The following SORL1 variants were observed in gnomAD, a reference collection of about 807,000 sequenced individuals.
SORL1 encodes the protein sortilin related receptor 1.
A neutral mutation model predicts 273.7 loss-of-function variants in SORL1; 127 were observed. The observed-to-expected ratio is 0.46, with a 90% confidence interval of 0.40 to 0.54. The LOEUF (loss-of-function observed/expected upper bound fraction) is 0.54, where lower values mean the gene tolerates loss of function less well. Ranked by LOEUF, SORL1 falls within the 20% of genes least tolerant of loss-of-function variation. SORL1 has a pLI of 0.00. For synonymous variants in SORL1, 1,031 were observed against 1,067.4 expected (o/e 0.97, Z 0.66); for missense variants, 2,494 against 2,846.1 (o/e 0.88, Z 2.81).
intron 24 of SORL1, chr11:121,576,890 T>G (rs1292827859): frequency 6.5e-7 from 1 of 1,535,538 alleles, no homozygotes; most frequent in Non-Finnish European, 8.7e-7. Context: ...CCACAGGCTG[T>G]GTCTGTAGGA....
chr11:121,512,951 G>A (rs1015882462), intron 6 of SORL1, 52 bp from the exon 7 acceptor site: 7 of 1,233,432 alleles, frequency 5.7e-6, no homozygotes, highest in Admixed American at 3.5e-5. Context: ...TGCTGCTTTT[G>A]AATGACTGTA....
At position 121,605,488 on chromosome 11, in the gene SORL1, C is replaced by T. The variant is rs758432966; in HGVS notation, c.4865C>T (p.Thr1622Met). 106 of 1,612,992 alleles carry T rather than the reference C, an allele frequency of 6.6e-5. No individual in the cohort carries two copies. Among genetic ancestry groups the T allele is most frequent in the East Asian group, 3.3e-4 (15 of 44,878 alleles). The change falls in exon 35 of 48, where the codon ACG becomes ATG. Residue 1622 changes from threonine to methionine, a missense_variant. Around this residue, in one of 3 missense-constraint regions of SORL1, gnomAD observed 1,609 missense variants for 1,816.4 expected, o/e 0.89. Transcript: ENST00000260197. Reference sequence around the variant, plus strand: ...TTAAAAGTCTTGAAACCAGATACCACGTATCAGGTTAAAGTACAGGTTCAG... The same window carrying T: ...TTAAAAGTCTTGAAACCAGATACCATGTATCAGGTTAAAGTACAGGTTCAG... ...TVLKVLKPDT[T>M]YQVKVQVQCL...
chr11:121,522,952 T>G lies in SORL1; in HGVS notation c.1559T>G (p.Val520Gly). ...AAGAACTTGGCTAGCAAGACAAACG[T>G]GTACATCTCTAGCAGTGCTGGAGCC... is the stretch of plus-strand genomic sequence containing the variant. ...VGKNLASKTN[V>G]YISSSAGARW... The change falls in exon 11 of 48, where the codon GTG (valine) becomes GGG (glycine). Residue 520 changes from valine (V) to glycine (G), a missense_variant. Coordinates refer to ENST00000260197, the MANE Select transcript of SORL1 (RefSeq NM_003105.6). 6.2e-7 allele frequency: 1 copy of G among 1,614,032 alleles called. No homozygotes were observed. The highest frequency in any genetic ancestry group is 8.5e-7 in the Non-Finnish European group (1 of 1,179,872).
chr11:121,586,034 G>C (rs1863099823), intron 26 of SORL1, among the ~76,000 whole-genome samples, 188 bp from the exon 27 acceptor site: 1 of 152,144 alleles, frequency 6.6e-6, no homozygotes, highest in Admixed American at 6.5e-5. Flanking sequence ...TTTCAGTTGT[G>C]AAGTAGAATA....
At chr11:121,527,561 G>A (rs1049628654) in intron 11 of SORL1, among the ~76,000 whole-genome samples, 1 of 152,068 alleles carries the variant, frequency 6.6e-6, no homozygotes, top group African/African-American at 2.4e-5. Flanking sequence ...ACAAAGTTTG[G>A]TGTTATTTTT....
chr11:121,462,292 A>T (rs1861012289), intron 1 of SORL1, among the ~76,000 whole-genome samples: 1 of 152,076 alleles, frequency 6.6e-6, no homozygotes, highest in Non-Finnish European at 1.5e-5. Flanking sequence ...CAAACACAGC[A>T]AGTCTCAAGG....
Position 121,627,701 on chromosome 11 carries a change from G to A in SORL1, c.6511G>A (p.Ala2171Thr), listed in dbSNP as rs146742626. 2.3e-5 allele frequency: 37 copies of A among 1,613,990 alleles called. No homozygotes were observed. Among genetic ancestry groups the A allele is most frequent in the South Asian group, 7.7e-5 (7 of 91,092 alleles). The stretch of plus-strand genomic sequence containing the variant: ...CCGGAGGCTGCAGAGCAGCTTCACC[G>A]CCTTCGCCAACAGCCACTACAGCTC... ...KHRRLQSSFT[A>T]FANSHYSSRL... Residue 2171 changes from alanine (A) to threonine (T), a missense_variant, in exon 47 of 48, where the codon GCC becomes ACC. Physicochemically the swap from Ala to Thr is moderately conservative, Grantham distance 58. Coordinates refer to ENST00000260197, the MANE Select transcript of SORL1 (RefSeq NM_003105.6). This position sits in a 1 kb window ranked among gnomAD's most constrained non-coding sequence, Gnocchi z 4.9.
intron 41 of SORL1, 68 bp downstream of exon 41, chr11:121,615,123 A>C: frequency 7.8e-7 from 1 of 1,286,696 alleles, no homozygotes; most frequent in Admixed American, 2.7e-5. Flanking sequence ...CCACCACACA[A>C]CTCCAGGGCT....
At chr11:121,582,070 T>C (rs1591337517) in intron 25 of SORL1, among the ~76,000 whole-genome samples, 3 of 152,250 alleles carry the variant, frequency 2.0e-5, no homozygotes, top group African/African-American at 7.2e-5. Flanking sequence ...GTTGTAAATA[T>C]TGAAACTTCT....
At position 121,549,956 on chromosome 11, in the gene SORL1, T is replaced by G; in HGVS notation, c.2052-4T>G. The G allele has an allele frequency of 6.2e-7, 1 of 1,613,268 alleles. No homozygotes were observed. The highest frequency in any genetic ancestry group is 8.5e-7 in the Non-Finnish European group (1 of 1,179,468). On this transcript the variant is annotated splice_polypyrimidine_tract_variant and splice_region_variant and intron_variant, in intron 14 of 47. Coordinates refer to ENST00000260197, the MANE Select transcript of SORL1 (RefSeq NM_003105.6). The stretch of plus-strand genomic sequence containing the variant: ...GCCTTAACAAAGCCCAATTGCCTTT[T>G]TAGTGACTTCGGTTTCAAGATGAGT...
intron 6 of SORL1, among the ~76,000 whole-genome samples, chr11:121,511,037 T>C (rs1052304746): frequency 2.0e-5 from 3 of 152,142 alleles, no homozygotes; most frequent in Non-Finnish European, 2.9e-5. Context: ...TAATCACTAG[T>C]GTGCCATAGT....
chr11:121,503,731 C>A lies in SORL1; in HGVS notation c.939+6682C>A, dbSNP rs551755907. ...CTGTTTCTGGACTCTTAATTCTATT[C>A]CATTAATCTGTATATCTACCCCTAT... On this transcript the variant is annotated intron_variant, in intron 6 of 47. Coordinates refer to ENST00000260197, the MANE Select transcript of SORL1 (RefSeq NM_003105.6). Among the ~76,000 whole-genome samples, 101 of 152,268 alleles carry A rather than the reference C, an allele frequency of 6.6e-4. 1 individual carries two copies. Among genetic ancestry groups the A allele is most frequent in the Non-Finnish European group, 9.6e-4 (65 of 68,014 alleles).
At chr11:121,599,399 C>T (rs1330498967) in intron 32 of SORL1, among the ~76,000 whole-genome samples, 3 of 152,160 alleles carry the variant, frequency 2.0e-5, no homozygotes, top group South Asian at 2.1e-4. Flanking sequence ...GTAAAATTAG[C>T]TGGGCATGGC....
intron 27 of SORL1, 127 bp downstream of exon 27, chr11:121,586,456 C>G (rs1863111026): frequency 2.7e-6 from 2 of 753,630 alleles, no homozygotes; most frequent in East Asian, 2.5e-5. Context: ...GAGTTGATCC[C>G]TGAGTACTTG....
Position 121,625,087 on chromosome 11 carries a change from C to G in SORL1, c.6174C>G (p.Gly2058=). The change falls in exon 46 of 48, where the codon GGC becomes GGG. Residue 2058 remains glycine, a splice_region_variant and synonymous_variant. Coordinates refer to ENST00000260197, the MANE Select transcript of SORL1 (RefSeq NM_003105.6). The stretch of plus-strand genomic sequence containing the variant: ...CAATCTCTTGTGTTTGTTTTCAGGG[C>G]TATGAGATACACATGTTTGATAGTG... ...LKEKHFNESR[G]YEIHMFDSAM... is the part of the protein sequence containing the mutation. The G allele has an allele frequency of 6.2e-7, 1 of 1,605,966 alleles. No homozygotes were observed. Among genetic ancestry groups the G allele is most frequent in the Non-Finnish European group, 8.5e-7 (1 of 1,173,922 alleles).
intron 11 of SORL1, among the ~76,000 whole-genome samples, chr11:121,529,605 T>C (rs893656017): frequency 6.6e-6 from 1 of 152,008 alleles, no homozygotes; most frequent in Non-Finnish European, 1.5e-5. Flanking sequence ...TTTTTGAAGT[T>C]GGGTCTTGTG....
intron 16 of SORL1, among the ~76,000 whole-genome samples, chr11:121,553,243 A>G (rs1484536738): frequency 2.0e-5 from 3 of 152,216 alleles, no homozygotes; most frequent in Non-Finnish European, 2.9e-5. Flanking sequence ...TTGGTTAACA[A>G]GAGTTCTACC....
rs899723049 is a variant in SORL1, at chr11:121,514,183, A to G, written c.1073A>G (p.Gln358Arg). The change falls in exon 8 of 48, where the codon CAG (glutamine) becomes CGG (arginine). Residue 358 changes from glutamine (Q) to arginine (R), a missense_variant. Around this residue, in one of 3 missense-constraint regions of SORL1, gnomAD observed 710 missense variants for 882.5 expected, o/e 0.80. Coordinates refer to ENST00000260197, the MANE Select transcript of SORL1 (RefSeq NM_003105.6). ...TACATCGCAGATGCCTCCGAGGACC[A>G]GGTGTTTGTGTGTGTCAGCCACAGT... Reference protein sequence around the residue: ...EYYIADASEDQVFVCVSHSNN... With the variant: ...EYYIADASEDRVFVCVSHSNN... 11 of 1,613,996 alleles carry G rather than the reference A, an allele frequency of 6.8e-6. No individual in the cohort carries two copies. Among genetic ancestry groups the G allele is most frequent in the African/African-American group, 1.3e-5 (1 of 75,038 alleles).
At chr11:121,597,704 C>G (rs1319653756) in intron 32 of SORL1, among the ~76,000 whole-genome samples, 1 of 152,178 alleles carries the variant, frequency 6.6e-6, no homozygotes, top group Non-Finnish European at 1.5e-5. Context: ...AAGTGATCTG[C>G]CCACCTTGGC....
Sources: gnomAD v4.1 joint callset for allele counts (sites outside exome capture counted in the v4.1 genomes callset) on GRCh38, gnomAD v4.1.1 for gene constraint, gnomAD v4.1.1 regional missense constraint, Gnocchi (gnomAD v3.1) non-coding constraint, MANE v1.5 for transcripts, NCBI Gene and HGNC (gene_info 2026-07-23, HGNC 2026-07-21) for gene names.